Variants in IL1RAPL2 observed in about 807,000 individuals in gnomAD.
IL1RAPL2 encodes interleukin 1 receptor accessory protein like 2, also known as X-linked interleukin-1 receptor accessory protein-like 2.
In IL1RAPL2, 3 loss-of-function variants were observed where a neutral mutation model predicts 44.1. That is an observed-to-expected ratio of 0.07 (90% CI 0.03 to 0.18). The LOEUF is 0.18. IL1RAPL2 is among the 10% of genes least tolerant of loss of function. The pLI, the probability that IL1RAPL2 is intolerant of heterozygous loss-of-function variation, is 1.00. For synonymous variants in IL1RAPL2, 181 were observed against 178.8 expected, an observed-to-expected ratio of 1.01 and a Z score of -0.10; for missense variants, 391 against 496.4, an observed-to-expected ratio of 0.79 and a Z score of 2.02.
intron 9 of IL1RAPL2, among the ~76,000 whole-genome samples, chrX:105,752,450 C>A (rs935132832): frequency 2.7e-5 from 3 of 112,050 alleles, no homozygotes; most frequent in Non-Finnish European, 5.6e-5. Context: ...CTTATAACTT[C>A]TCTCTTTATT....
At chrX:105,030,429 T>G (rs1055777294) in intron 2 of IL1RAPL2, among the ~76,000 whole-genome samples, 3 of 111,703 alleles carry the variant, frequency 2.7e-5, no homozygotes, top group Non-Finnish European at 5.7e-5. Context: ...TGTATAAGGT[T>G]TAAAGAAGGG....
At chrX:104,893,745 G>T (rs1242707988) in intron 2 of IL1RAPL2, among the ~76,000 whole-genome samples, 1 of 111,649 alleles carries the variant, frequency 9.0e-6, no homozygotes, top group East Asian at 2.8e-4. Flanking sequence ...TATCCAATTT[G>T]CCAGTCTGTG....
chrX:104,971,373 G>A (rs1210506087), intron 2 of IL1RAPL2, among the ~76,000 whole-genome samples: 1 of 111,025 alleles, frequency 9.0e-6, no homozygotes, highest in Non-Finnish European at 1.9e-5. Flanking sequence ...TAAAATAAAG[G>A]TCTTCGGAGA....
chrX:105,050,954 C>T (rs769900851), intron 2 of IL1RAPL2, among the ~76,000 whole-genome samples: 1 of 112,518 alleles, frequency 8.9e-6, no homozygotes, highest in East Asian at 2.8e-4. Flanking sequence ...CTGCCCTCTG[C>T]CCTGCTCCAA....
chrX:105,267,244 C>T, intron 4 of IL1RAPL2, 144 bp from the exon 5 acceptor site: 1 of 494,891 alleles, frequency 2.0e-6, no homozygotes, highest in Non-Finnish European at 3.4e-6. Context: ...TGTGATTTTT[C>T]TTGGTCATTG....
In IL1RAPL2 at chrX:105,354,585, G is replaced by A. The variant is rs745452770; in HGVS notation, c.697+87044G>A. 1.6e-4 allele frequency among the ~76,000 whole-genome samples: 18 copies of A among 110,387 alleles called. No homozygotes were observed. The East Asian group carries it at 4.6e-3, about 28-fold the overall frequency. On this transcript the variant is annotated intron_variant, in intron 5 of 10. Coordinates refer to ENST00000372582, the MANE Select transcript of IL1RAPL2 (RefSeq NM_017416.2). The stretch of plus-strand genomic sequence containing the variant: ...GTTGATGGGTGCAGCACACCAACAC[G>A]GCACATGTGTACATATGTAACAAAC...
rs867737090 is a variant in IL1RAPL2, at chrX:105,567,674, C to T, written c.772+83287C>T. 1.5e-4 allele frequency among the ~76,000 whole-genome samples: 17 copies of T among 111,660 alleles called. No homozygotes were observed. The Middle Eastern group carries it at 0.014, about 90-fold the overall frequency. On this transcript the variant is annotated intron_variant, in intron 6 of 10. Transcript: ENST00000372582. ...GTCATTCTGAATTATCTGGTATCTT[C>T]GACCATACCATTATTTGTGGGTGGA...
chrX:105,024,449 G>A (rs2031332066), intron 2 of IL1RAPL2, among the ~76,000 whole-genome samples: 1 of 111,170 alleles, frequency 9.0e-6, no homozygotes, highest in Admixed American at 9.6e-5. Flanking sequence ...TAACTATCGA[G>A]CACAGATAAT....
At chrX:105,009,132 T>C (rs1335704178) in intron 2 of IL1RAPL2, among the ~76,000 whole-genome samples, 2 of 111,312 alleles carry the variant, frequency 1.8e-5, no homozygotes, top group Admixed American at 9.5e-5. Context: ...GAAATAGGAA[T>C]GCTTTTACAC....
intron 1 of IL1RAPL2, among the ~76,000 whole-genome samples, chrX:104,654,748 A>T (rs1431599664): frequency 9.0e-6 from 1 of 111,357 alleles, no homozygotes; most frequent in Non-Finnish European, 1.9e-5. Flanking sequence ...CATTGAATCT[A>T]TAAATTACCT....
At chrX:105,443,529 A>G (rs1441668744) in intron 5 of IL1RAPL2, among the ~76,000 whole-genome samples, 1 of 111,638 alleles carries the variant, frequency 9.0e-6, no homozygotes, top group Non-Finnish European at 1.9e-5. Flanking sequence ...TCTCGTAACC[A>G]TACTTTATTC....
intron 5 of IL1RAPL2, among the ~76,000 whole-genome samples, chrX:105,290,512 C>T (rs992462008): frequency 9.0e-6 from 1 of 111,337 alleles, no homozygotes; most frequent in Non-Finnish European, 1.9e-5. Context: ...TGAACATTAT[C>T]TTGAAAGGTG....
chrX:104,739,723 T>G (rs1012234875), intron 2 of IL1RAPL2, among the ~76,000 whole-genome samples: 6 of 111,977 alleles, frequency 5.4e-5, no homozygotes. Flanking sequence ...ACAGCACTAC[T>G]TCTACCAATT....
intron 2 of IL1RAPL2, among the ~76,000 whole-genome samples, chrX:104,914,701 A>T (rs928038142): frequency 7.2e-5 from 8 of 110,479 alleles, no homozygotes; most frequent in Non-Finnish European, 1.5e-4. Context: ...TATCTCCTAA[A>T]GCTATCCCTC....
chrX:105,485,503 T>C (rs983447852), intron 6 of IL1RAPL2, among the ~76,000 whole-genome samples: 1 of 111,091 alleles, frequency 9.0e-6, no homozygotes, highest in African/African-American at 3.3e-5. Flanking sequence ...GTACAATAAA[T>C]TACTGTTGAC....
intron 6 of IL1RAPL2, among the ~76,000 whole-genome samples, chrX:105,555,953 G>C (rs1249085747): frequency 8.9e-6 from 1 of 111,888 alleles, no homozygotes; most frequent in Non-Finnish European, 1.9e-5. Context: ...TCTCTCATTT[G>C]CATGTTGTGC....
Position 104,962,597 on chromosome X carries a change from C to T in IL1RAPL2, c.83-232878C>T, listed in dbSNP as rs2030030631. 1.8e-5 allele frequency among the ~76,000 whole-genome samples: 2 copies of T among 112,302 alleles called. 1 individual carries two copies. Among genetic ancestry groups the T allele is most frequent in the Non-Finnish European group, 3.8e-5 (2 of 53,248 alleles). On this transcript the variant is annotated intron_variant, in intron 2 of 10. Transcript: ENST00000372582. ...AAAGGTGCAATGCTAAATATACTTACTCTAAGGAAAAGGAGGACACTTTAA... is the reference window on the plus strand; with the variant it reads ...AAAGGTGCAATGCTAAATATACTTATTCTAAGGAAAAGGAGGACACTTTAA...
At chrX:104,810,637 CTTG>C (rs1457784079) in intron 2 of IL1RAPL2, among the ~76,000 whole-genome samples, 8 of 111,334 alleles carry the variant, frequency 7.2e-5, no homozygotes, top group Admixed American at 2.9e-4. Context: ...ACAAAAAAAA[CTTG>C]TTGTAAGCTA....
At chrX:105,608,203 C>T (rs2037309691) in intron 6 of IL1RAPL2, among the ~76,000 whole-genome samples, 1 of 110,257 alleles carries the variant, frequency 9.1e-6, no homozygotes, top group Non-Finnish European at 1.9e-5. Flanking sequence ...AAAATAAATC[C>T]GATATTCATT....
Sources: allele counts gnomAD v4.1 joint callset (sites outside exome capture counted in the v4.1 genomes callset), GRCh38; gene constraint gnomAD v4.1.1; transcripts MANE v1.5; gene names NCBI Gene and HGNC (gene_info 2026-07-23, HGNC 2026-07-21).